The following CHMP2B variants were observed in gnomAD, a reference collection of about 807,000 sequenced individuals.
CHMP2B encodes VPS2 homolog B.
A neutral mutation model predicts 29.8 loss-of-function variants in CHMP2B; 22 were observed. The observed-to-expected ratio is 0.74, with a 90% confidence interval of 0.53 to 1.05. CHMP2B has a LOEUF of 1.05. Among genes scored for constraint, CHMP2B ranks in the 50% least tolerant of loss-of-function variants. The pLI is 0.00. For missense variants in CHMP2B, 261 were observed against 252.2 expected, an observed-to-expected ratio of 1.03 and a Z score of -0.24; for synonymous variants, 78 against 75.8, an observed-to-expected ratio of 1.03 and a Z score of -0.15.
At position 87,240,772 on chromosome 3, in the gene CHMP2B, G is replaced by A; in HGVS notation, c.108G>A (p.Glu36=). The A allele has an allele frequency of 6.2e-7, 1 of 1,613,160 alleles. No individual in the cohort carries two copies. The highest frequency in any genetic ancestry group is 8.5e-7 in the Non-Finnish European group (1 of 1,179,212). ...RAIIRDRAAL[E]KQEKQLELEI... is the part of the protein sequence containing the mutation. ...TAATCAGAGATCGAGCAGCTTTAGA[G>A]AAACAAGAAAAACAGCTGGTAAGTA... Residue 36 remains glutamate, a synonymous_variant, in exon 2 of 6, where the codon GAG becomes GAA. Transcript: ENST00000263780.
rs11426 is a variant in CHMP2B at position 87,255,410 on chromosome 3, C to T, written c.*1588C>T. On this transcript the variant is annotated 3_prime_UTR_variant, in exon 6 of 6. Transcript: ENST00000263780. Reference sequence around the variant, plus strand: ...ATAATAATGCCATCTAACTTATTTACGTTCTTGTTTACATGTGGGAGCTTT... The same window carrying T: ...ATAATAATGCCATCTAACTTATTTATGTTCTTGTTTACATGTGGGAGCTTT... The T allele has an allele frequency of 6.4e-3, 972 of 152,366 alleles. 9 individuals are homozygous for T. The highest frequency in any genetic ancestry group is 0.022 in the African/African-American group (912 of 41,460). 9.4% of individuals were successfully genotyped at this position (152,366 alleles called of 1,614,324 possible). A position where few individuals can be genotyped will look rare whatever the true frequency, so the allele number is the denominator to read the frequency against.
intron 1 of CHMP2B, among the ~76,000 whole-genome samples, chr3:87,230,757 C>G (rs1425676223): frequency 2.0e-5 from 3 of 152,154 alleles, no homozygotes; most frequent in East Asian, 1.9e-4. Flanking sequence ...CTGCCTCCCC[C>G]ACCTTACAGC....
chr3:87,235,466 T>C (rs922831747), intron 1 of CHMP2B, among the ~76,000 whole-genome samples: 2 of 152,228 alleles, frequency 1.3e-5, no homozygotes, highest in African/African-American at 4.8e-5. Flanking sequence ...TTAGCCGCTC[T>C]GAGTTTATAG....
chr3:87,251,172 T>C (rs1429580545), intron 4 of CHMP2B, among the ~76,000 whole-genome samples: 2 of 151,928 alleles, frequency 1.3e-5, no homozygotes, highest in Admixed American at 6.6e-5. Context: ...AGTATTCTAT[T>C]TCAGTATACC....
intron 1 of CHMP2B, among the ~76,000 whole-genome samples, chr3:87,236,433 G>A (rs574266170): frequency 1.3e-5 from 2 of 152,162 alleles, no homozygotes; most frequent in Non-Finnish European, 2.9e-5. Context: ...AAAAATGTAT[G>A]TAGATAGAAT....
intron 1 of CHMP2B, among the ~76,000 whole-genome samples, chr3:87,233,494 AG>A (rs1174302753): frequency 1.3e-5 from 2 of 152,056 alleles, no homozygotes; most frequent in Non-Finnish European, 2.9e-5. Flanking sequence ...ATCCTTACGT[AG>A]CCAGGACTTC....
intron 4 of CHMP2B, among the ~76,000 whole-genome samples, chr3:87,252,097 T>C (rs1342591570): frequency 6.6e-6 from 1 of 151,954 alleles, no homozygotes; most frequent in East Asian, 1.9e-4. Flanking sequence ...CATCTTCAGT[T>C]TATACCCTAG....
At chr3:87,229,293 A>G (rs1031298589) in intron 1 of CHMP2B, among the ~76,000 whole-genome samples, 1 of 152,206 alleles carries the variant, frequency 6.6e-6, no homozygotes, top group African/African-American at 2.4e-5. Context: ...AATTCTTCCA[A>G]GAAATAATGT....
In CHMP2B at chr3:87,240,764, G is replaced by A; in HGVS notation, c.100G>A (p.Ala34Thr). Residue 34 changes from alanine (A) to threonine (T), a missense_variant, in exon 2 of 6, where the codon GCT becomes ACT. By Grantham distance (58) the Ala-to-Thr change is moderately conservative. Coordinates refer to ENST00000263780, the MANE Select transcript of CHMP2B (RefSeq NM_014043.4). Reference protein sequence around the residue: ...TQRAIIRDRAALEKQEKQLEL... With the variant: ...TQRAIIRDRATLEKQEKQLEL... The stretch of plus-strand genomic sequence containing the variant: ...GAGGGCTATAATCAGAGATCGAGCA[G>A]CTTTAGAGAAACAAGAAAAACAGCT... 1.2e-6 allele frequency: 2 copies of A among 1,613,510 alleles called. No individual in the cohort carries two copies. Among genetic ancestry groups the A allele is most frequent in the South Asian group, 1.1e-5 (1 of 91,078 alleles).
At chr3:87,228,688 A>G (rs1412185936) in intron 1 of CHMP2B, among the ~76,000 whole-genome samples, 6 of 152,218 alleles carry the variant, frequency 3.9e-5, no homozygotes, top group South Asian at 4.1e-4. Flanking sequence ...ATCAGATGAC[A>G]TAATACATTT....
At chr3:87,242,259 T>C (rs1208828074) in intron 2 of CHMP2B, among the ~76,000 whole-genome samples, 1 of 152,150 alleles carries the variant, frequency 6.6e-6, no homozygotes, top group Non-Finnish European at 1.5e-5. Context: ...TTTTCCTAAG[T>C]GTGTTTTGAG....
chr3:87,250,591 A>G (rs1706297655), intron 4 of CHMP2B, among the ~76,000 whole-genome samples: 1 of 152,002 alleles, frequency 6.6e-6, no homozygotes, highest in African/African-American at 2.4e-5. Flanking sequence ...AAAACATAAT[A>G]GTATAACATA....
At chr3:87,249,641 C>T (rs1294011449) in intron 3 of CHMP2B, among the ~76,000 whole-genome samples, 3 of 151,856 alleles carry the variant, frequency 2.0e-5, no homozygotes, top group Admixed American at 1.3e-4. Flanking sequence ...AATTCCTTGC[C>T]TGCTGTTCAG....
Position 87,253,515 on chromosome 3 carries a change from G to A in CHMP2B, c.531+5G>A, listed in dbSNP as rs541822657. On this transcript the variant is annotated splice_donor_5th_base_variant and intron_variant, in intron 5 of 5. Coordinates refer to ENST00000263780, the MANE Select transcript of CHMP2B (RefSeq NM_014043.4). ...GGAATTGAAATTTCTGGAAAGGTATGAACATCATCTTTTCTTAGTTGGAAA... is the reference window on the plus strand; with the variant it reads ...GGAATTGAAATTTCTGGAAAGGTATAAACATCATCTTTTCTTAGTTGGAAA... The A allele has an allele frequency of 6.4e-7, 1 of 1,558,398 alleles. No homozygotes were observed. Among genetic ancestry groups the A allele is most frequent in the African/African-American group, 1.4e-5 (1 of 73,818 alleles).
intron 2 of CHMP2B, among the ~76,000 whole-genome samples, chr3:87,241,078 C>T (rs1270923652): frequency 2.0e-5 from 3 of 151,326 alleles, no homozygotes; most frequent in African/African-American, 4.8e-5. Context: ...ACAGAACCAC[C>T]TTCTTAGTTA....
At position 87,245,801 on chromosome 3, in the gene CHMP2B, A is replaced by C. The variant is rs772729869; in HGVS notation, c.214A>C (p.Lys72Gln). ...ACAACTTGTGCATCTACGGAAACAG[A>C]AGACGAGAACTTTTGCTGTAAGTTC... ...AKQLVHLRKQKTRTFAVSSKV... is the reference protein window; with the variant it reads ...AKQLVHLRKQQTRTFAVSSKV... Residue 72 changes from lysine to glutamine, a missense_variant, in exon 3 of 6, where the codon AAG (lysine) becomes CAG (glutamine). By Grantham distance (53) the Lys-to-Gln change is moderately conservative. Transcript: ENST00000263780. 3 of 1,613,800 alleles carry C rather than the reference A, an allele frequency of 1.9e-6. No individual in the cohort carries two copies. The African/African-American group carries it at 4.0e-5, about 22-fold the overall frequency.
At chr3:87,236,767 C>A (rs549842203) in intron 1 of CHMP2B, among the ~76,000 whole-genome samples, 59 of 152,164 alleles carry the variant, frequency 3.9e-4, no homozygotes, top group African/African-American at 1.4e-3. Context: ...GAAGCTGAGG[C>A]AGGAGAATCG....
intron 2 of CHMP2B, among the ~76,000 whole-genome samples, chr3:87,243,111 C>T (rs1001490187): frequency 2.0e-5 from 3 of 152,078 alleles, no homozygotes; most frequent in African/African-American, 7.2e-5. Flanking sequence ...TTATGTATCT[C>T]TCCATTATTT....
chr3:87,253,182 C>A, intron 4 of CHMP2B: 1 of 459,784 alleles, frequency 2.2e-6, no homozygotes, highest in Non-Finnish European at 4.0e-6. Context: ...GACTTGTTTG[C>A]TATAAGATAA....
Sources: allele counts gnomAD v4.1 joint callset (sites outside exome capture counted in the v4.1 genomes callset), GRCh38; gene constraint gnomAD v4.1.1; transcripts MANE v1.5; gene names NCBI Gene and HGNC (gene_info 2026-07-23, HGNC 2026-07-21).